The following ACOT1 variants were observed in gnomAD, a reference collection of about 807,000 sequenced individuals.
ACOT1 encodes acyl-coenzyme A thioesterase 1.
ACOT1 carries 8 observed loss-of-function variants against 15.7 expected under a neutral mutation model. The observed-to-expected ratio is 0.51, with a 90% CI of 0.30 to 0.92. The LOEUF is 0.92. Ranked by LOEUF, ACOT1 falls within the 40% of genes least tolerant of loss-of-function variation. ACOT1 has a pLI of 0.06. For synonymous variants in ACOT1, 67 were observed against 241.2 expected (o/e 0.28, Z 6.69); for missense variants, 151 against 539.4 (o/e 0.28, Z 7.13).
the ACOT1 span, among the ~76,000 whole-genome samples, chr14:73,502,611 G>A: frequency 6.6e-6 from 1 of 151,924 alleles, no homozygotes; most frequent in Admixed American, 6.6e-5. Flanking sequence ...GCAGTGGCGC[G>A]ATCTCTGCTC....
At chr14:73,522,313 C>T in the ACOT1 span, 2 of 1,614,206 alleles carry the variant, frequency 1.2e-6, no homozygotes, top group African/African-American at 2.7e-5. Context: ...TCTTCTTTTC[C>T]TGTGGGGGCA....
At chr14:73,531,772 G>T in the ACOT1 span, among the ~76,000 whole-genome samples, 1 of 112,234 alleles carries the variant, frequency 8.9e-6, no homozygotes, top group South Asian at 3.0e-4. Flanking sequence ...TGTAATCCCA[G>T]CAACTTGGGA....
the ACOT1 span, chr14:73,528,897 G>C: frequency 1.3e-5 from 2 of 152,206 alleles, no homozygotes; most frequent in Non-Finnish European, 2.9e-5. Context: ...GGTGCTTAGA[G>C]AAGGAAGAAA....
chr14:73,492,700 G>C, the ACOT1 span: 1 of 1,613,980 alleles, frequency 6.2e-7, no homozygotes, highest in Non-Finnish European at 8.5e-7. The surrounding 1 kb of genome is among the most constrained non-coding windows in gnomAD (Gnocchi z 4.9). Context: ...TGGTGGGTGA[G>C]GGGGGCCATT....
chr14:73,515,309 A>G, the ACOT1 span, among the ~76,000 whole-genome samples: 1 of 152,178 alleles, frequency 6.6e-6, no homozygotes, highest in Non-Finnish European at 1.5e-5. Flanking sequence ...CTGACTCTTA[A>G]CACCTTTAGA....
At chr14:73,523,016 A>G in the ACOT1 span, 1 of 1,614,088 alleles carries the variant, frequency 6.2e-7, no homozygotes, top group African/African-American at 1.3e-5. Context: ...GACCATAGGC[A>G]CACTGGAGAC....
At chr14:73,532,718 GC>G (rs1428733956), upstream of ACOT1, among the ~76,000 whole-genome samples, 9 of 115,042 alleles carry the variant, frequency 7.8e-5, 2 homozygotes, top group East Asian at 1.4e-3. Context: ...ACTTTGGGAG[GC>G]CAAGGTGGGC....
the ACOT1 span, chr14:73,492,999 CT>C: frequency 0.033 from 46,484 of 1,418,754 alleles, 2 homozygotes; most frequent in South Asian, 0.038. This position sits in a 1 kb window ranked among gnomAD's most constrained non-coding sequence, Gnocchi z 4.9. Flanking sequence ...CCACTGCTAC[CT>C]TTTTTTTTTT....
chr14:73,527,119 C>T, the ACOT1 span: 4 of 152,044 alleles, frequency 2.6e-5, no homozygotes, highest in Non-Finnish European at 4.4e-5. Flanking sequence ...CTGCAGAGAC[C>T]GTAGGCTTAA....
the ACOT1 span, among the ~76,000 whole-genome samples, chr14:73,500,949 T>A: frequency 0.18 from 27,288 of 152,136 alleles, 2,769 homozygotes; most frequent in Non-Finnish European, 0.22. Context: ...AATGCAGGGC[T>A]TTCAGTTACA....
At chr14:73,517,771 G>GA in the ACOT1 span, among the ~76,000 whole-genome samples, 1 of 150,196 alleles carries the variant, frequency 6.7e-6, no homozygotes, top group Non-Finnish European at 1.5e-5. Context: ...GGAAAGGAAG[G>GA]AAAAAAAGGA....
the ACOT1 span, among the ~76,000 whole-genome samples, chr14:73,502,704 C>T: frequency 6.6e-6 from 1 of 152,126 alleles, no homozygotes; most frequent in East Asian, 1.9e-4. Flanking sequence ...TGTGCCACCA[C>T]GCCTGGCTAA....
chr14:73,492,848 C>T, the ACOT1 span: 59 of 1,613,768 alleles, frequency 3.7e-5, no homozygotes, highest in Non-Finnish European at 5.0e-5. The surrounding 1 kb of genome is among the most constrained non-coding windows in gnomAD (Gnocchi z 4.9). Flanking sequence ...AGTGGGGGAC[C>T]TGCCCTGTGA....
chr14:73,503,815 T>C, the ACOT1 span, among the ~76,000 whole-genome samples: 2 of 152,138 alleles, frequency 1.3e-5, no homozygotes, highest in South Asian at 4.1e-4. Context: ...GCGTCGGATG[T>C]GGTCAGAAAC....
the ACOT1 span, chr14:73,498,260 C>T: frequency 6.1e-3 from 9,843 of 1,613,982 alleles, 532 homozygotes; most frequent in African/African-American, 0.12. Context: ...AGCTTCCAGC[C>T]GTACACCTGG....
Position 73,540,526 on chromosome 14 carries a change from C to G in ACOT1, c.458-967C>G, listed in dbSNP as rs1889041442. On this transcript the variant is annotated intron_variant, in intron 1 of 2. Coordinates refer to ENST00000311148, the MANE Select transcript of ACOT1 (RefSeq NM_001037161.2). ...CTAGGAGAACACATTCAGTATCATTCCATTTAGATACAGTTCAAAAAATAG... is the reference window on the plus strand; with the variant it reads ...CTAGGAGAACACATTCAGTATCATTGCATTTAGATACAGTTCAAAAAATAG... Among the ~76,000 whole-genome samples the G allele has an allele frequency of 1.8e-5, 2 of 109,502 alleles. 1 individual carries two copies. Among genetic ancestry groups the G allele is most frequent in the South Asian group, 5.6e-4 (2 of 3,572 alleles). The allele number at this position is 109,502 out of a possible 152,430, so 71.8% of individuals were successfully genotyped here. A position where few individuals can be genotyped will look rare whatever the true frequency, so the allele number is the denominator to read the frequency against.
chr14:73,517,740 A>G, the ACOT1 span, among the ~76,000 whole-genome samples: 3 of 151,084 alleles, frequency 2.0e-5, no homozygotes, highest in East Asian at 5.9e-4. Flanking sequence ...AAAGGGAGAC[A>G]TGAAGGAAGG....
chr14:73,529,327 C>G, the ACOT1 span: 2 of 139,802 alleles, frequency 1.4e-5, no homozygotes, highest in East Asian at 4.2e-4. Context: ...TGCACTCCAG[C>G]CTGGGCAACA....
At chr14:73,520,966 C>CA in the ACOT1 span, 1 of 1,613,774 alleles carries the variant, frequency 6.2e-7, no homozygotes, top group Non-Finnish European at 8.5e-7. Flanking sequence ...CTCGTCTTTT[C>CA]ATGGATATCC....
Sources: allele counts gnomAD v4.1 joint callset (sites outside exome capture counted in the v4.1 genomes callset), GRCh38; gene constraint gnomAD v4.1.1; non-coding constraint Gnocchi (gnomAD v3.1); transcripts MANE v1.5; gene names NCBI Gene and HGNC (gene_info 2026-07-23, HGNC 2026-07-21).